AXL: variants seen among roughly 807,000 people sequenced by gnomAD.
AXL encodes AXL receptor tyrosine kinase.
Under a neutral mutation model 104.5 loss-of-function variants are expected in AXL, and 52 were observed. The ratio of observed to expected loss-of-function variants is 0.50; its 90% CI spans 0.40 to 0.63. The LOEUF is 0.63. Among genes scored for constraint, AXL ranks in the 20% least tolerant of loss-of-function variants. The pLI is 0.00. For missense variants in AXL, 1,024 were observed against 1,188.5 expected (o/e 0.86, Z 2.04); for synonymous variants, 455 against 473.7 (o/e 0.96, Z 0.51).
At chr19:41,219,599 A>G in intron 1 of AXL, 122 bp downstream of exon 1, 1 of 1,136,318 alleles carries the variant, frequency 8.8e-7, no homozygotes, top group Non-Finnish European at 1.3e-6. Context: ...CCTTGGGACC[A>G]CAGAAAAGGG....
At chr19:41,222,855 G>A (rs190511502) in intron 4 of AXL, among the ~76,000 whole-genome samples, 3,403 of 149,980 alleles carry the variant, frequency 0.023, 110 homozygotes, top group African/African-American at 0.071. Flanking sequence ...GCAGTGAGCC[G>A]AGATTGCGCC....
Position 41,259,730 on chromosome 19 carries a change from A to T in AXL, c.2511A>T (p.Ala837=). 1.2e-6 allele frequency: 2 copies of T among 1,614,072 alleles called. No individual in the cohort carries two copies. The highest frequency in any genetic ancestry group is 1.7e-6 in the Non-Finnish European group (2 of 1,179,994). ...GGGYPEPPGA[A]GGADPPTQPD... ...GTTATCCTGAACCCCCTGGAGCTGC[A>T]GGAGGAGCTGACCCCCCAACCCAGC... is the stretch of plus-strand genomic sequence containing the variant. The change falls in exon 20 of 20, where the codon GCA becomes GCT. Residue 837 remains alanine (A), a synonymous_variant. Coordinates refer to ENST00000301178, the MANE Select transcript of AXL (RefSeq NM_021913.5).
intron 7 of AXL, 150 bp downstream of exon 7, chr19:41,238,304 G>T: frequency 7.0e-7 from 1 of 1,427,892 alleles, no homozygotes; most frequent in Non-Finnish European, 9.7e-7. Flanking sequence ...AGCACTGCCC[G>T]CTGGCCTCTC....
chr19:41,238,450 C>A lies in AXL; in HGVS notation c.995-20C>A, dbSNP rs112180627. 2,069 of 1,600,000 alleles carry A rather than the reference C, an allele frequency of 1.3e-3. 22 individuals carry two copies. In the African/African-American group the frequency reaches 0.023, roughly 18 times the overall value. On this transcript the variant is annotated intron_variant, in intron 7 of 19. Transcript: ENST00000301178. Reference sequence around the variant, plus strand: ...AGGAAGAGGTGGGGGTGCCAGCTTCCCCTCTTCCCTGTCCTCCAGTGCCCC... The same window carrying A: ...AGGAAGAGGTGGGGGTGCCAGCTTCACCTCTTCCCTGTCCTCCAGTGCCCC...
chr19:41,258,524 C>T (rs1682153287), intron 19 of AXL, among the ~76,000 whole-genome samples: 2 of 152,250 alleles, frequency 1.3e-5, no homozygotes, highest in African/African-American at 4.8e-5. Flanking sequence ...TAGCGATTCT[C>T]TTGCCTCAGC....
chr19:41,221,398 T>G, intron 3 of AXL, 152 bp downstream of exon 3: 1 of 655,280 alleles, frequency 1.5e-6, no homozygotes, highest in East Asian at 3.0e-5. Flanking sequence ...GTCAGAGTTT[T>G]GGGTGGTCAA....
At chr19:41,249,887 A>G (rs1305926366) in intron 14 of AXL, among the ~76,000 whole-genome samples, 2 of 152,176 alleles carry the variant, frequency 1.3e-5, no homozygotes, top group Admixed American at 1.3e-4. Context: ...CCAGTCTCCC[A>G]TAAGGGCCTA....
chr19:41,225,544 T>G (rs1443219342), intron 4 of AXL, among the ~76,000 whole-genome samples: 1 of 152,226 alleles, frequency 6.6e-6, no homozygotes, highest in Non-Finnish European at 1.5e-5. Context: ...TAAGTTTCTG[T>G]GTGTGTTGGC....
At chr19:41,237,378 G>T (rs373886529) in intron 6 of AXL, among the ~76,000 whole-genome samples, 1 of 152,128 alleles carries the variant, frequency 6.6e-6, no homozygotes, top group Non-Finnish European at 1.5e-5. Flanking sequence ...GAGTAGCTGG[G>T]ATTACAGGCG....
At chr19:41,240,514 A>G (rs1423805339) in intron 10 of AXL, among the ~76,000 whole-genome samples, 1 of 151,926 alleles carries the variant, frequency 6.6e-6, no homozygotes, top group Non-Finnish European at 1.5e-5. Flanking sequence ...CCTCACATCC[A>G]TCCCTCTCAA....
Position 41,221,175 on chromosome 19 carries a change from G to A in AXL, c.338G>A (p.Gly113Glu). ...ACCTCCCTGCAGCTTTCCGACACGG[G>A]ACAGTACCAGTGTTTGGTGTTTCTG... Reference protein sequence around the residue: ...RITSLQLSDTGQYQCLVFLGH... With the variant: ...RITSLQLSDTEQYQCLVFLGH... Residue 113 changes from glycine to glutamate, a missense_variant, in exon 3 of 20, where the codon GGA (glycine) becomes GAA (glutamate). Transcript: ENST00000301178. The A allele has an allele frequency of 6.2e-7, 1 of 1,614,062 alleles. No individual in the cohort carries two copies. The highest frequency in any genetic ancestry group is 8.5e-7 in the Non-Finnish European group (1 of 1,180,004).
rs1444915408 is a variant in AXL at position 41,257,548 on chromosome 19, C to G, written c.2252C>G (p.Pro751Arg). 6.2e-7 allele frequency: 1 copy of G among 1,614,124 alleles called. No homozygotes were observed. Among genetic ancestry groups the G allele is most frequent in the South Asian group, 1.1e-5 (1 of 91,074 alleles). The part of the protein sequence containing the change: ...EIATRGQTPY[P>R]GVENSEIYDY... ...GCCACAAGAGGCCAAACCCCATATC[C>G]GGGCGTGGAGAACAGCGAGATTTAT... The change falls in exon 19 of 20, where the codon CCG becomes CGG. Residue 751 changes from proline (P) to arginine (R), a missense_variant. Physicochemically the swap from Pro to Arg is moderately radical, Grantham distance 103. Coordinates refer to ENST00000301178, the MANE Select transcript of AXL (RefSeq NM_021913.5).
At chr19:41,233,924 G>A (rs1232038203) in intron 6 of AXL, among the ~76,000 whole-genome samples, 1 of 152,050 alleles carries the variant, frequency 6.6e-6, no homozygotes, top group Non-Finnish European at 1.5e-5. Flanking sequence ...ATGGGCTAGG[G>A]CTGAAGAGTT....
At chr19:41,237,086 G>A (rs189587337) in intron 6 of AXL, among the ~76,000 whole-genome samples, 1 of 152,202 alleles carries the variant, frequency 6.6e-6, no homozygotes, top group East Asian at 1.9e-4. Flanking sequence ...TATTCACCAT[G>A]TAACCACCAT....
At chr19:41,251,021 G>A (rs1264371759) in intron 14 of AXL, among the ~76,000 whole-genome samples, 1 of 152,228 alleles carries the variant, frequency 6.6e-6, no homozygotes, top group Non-Finnish European at 1.5e-5. Flanking sequence ...AGCCTGGGCA[G>A]TTGTGAGCAG....
In AXL at chr19:41,259,648, T is replaced by G; in HGVS notation, c.2429T>G (p.Leu810Trp). 6.2e-7 allele frequency: 1 copy of G among 1,614,084 alleles called. No homozygotes were observed. Among genetic ancestry groups the G allele is most frequent in the South Asian group, 1.1e-5 (1 of 91,066 alleles). Reference sequence around the variant, plus strand: ...GATTTGGAGAACACACTGAAGGCCTTGCCTCCTGCCCAGGAGCCTGACGAA... The same window carrying G: ...GATTTGGAGAACACACTGAAGGCCTGGCCTCCTGCCCAGGAGCCTGACGAA... ...REDLENTLKA[L>W]PPAQEPDEIL... Residue 810 changes from leucine (L) to tryptophan (W), a missense_variant, in exon 20 of 20, where the codon TTG (leucine) becomes TGG (tryptophan). Physicochemically the swap from Leu to Trp is moderately conservative, Grantham distance 61. Transcript: ENST00000301178.
chr19:41,260,575 G>T lies in AXL; in HGVS notation c.*671G>T, dbSNP rs2034523972. 6.6e-6 allele frequency: 1 copy of T among 152,086 alleles called. No homozygotes were observed. 9.4% of individuals were successfully genotyped at this position (152,086 alleles called of 1,614,324 possible). A position where few individuals can be genotyped will look rare whatever the true frequency, so the allele number is the denominator to read the frequency against. On this transcript the variant is annotated 3_prime_UTR_variant, in exon 20 of 20. Coordinates refer to ENST00000301178, the MANE Select transcript of AXL (RefSeq NM_021913.5). ...GATCTGCCCACCTCAGCCTCCCAAA[G>T]TGCTGAGATTACAGGCATGAGCCAC...
intron 9 of AXL, 144 bp downstream of exon 9, chr19:41,239,458 C>T (rs1418578794): frequency 4.8e-6 from 6 of 1,251,842 alleles, no homozygotes; most frequent in Non-Finnish European, 6.7e-6. Context: ...ACTCCCTTAC[C>T]CATGCCAACC....
Position 41,259,839 on chromosome 19 carries a change from C to G in AXL, c.2620C>G (p.Pro874Ala). The change falls in exon 20 of 20, where the codon CCT becomes GCT. Residue 874 changes from proline to alanine, a missense_variant. Coordinates refer to ENST00000301178, the MANE Select transcript of AXL (RefSeq NM_021913.5). ...CTATGTCCTCTGCCCTTCCACAACC[C>G]CTAGCCCCGCTCAGCCTGCTGATAG... ...GRYVLCPSTT[P>A]SPAQPADRGS... The G allele has an allele frequency of 6.2e-7, 1 of 1,612,576 alleles. No individual in the cohort carries two copies. Among genetic ancestry groups the G allele is most frequent in the Non-Finnish European group, 8.5e-7 (1 of 1,179,144 alleles).
Sources: allele counts gnomAD v4.1 joint callset (sites outside exome capture counted in the v4.1 genomes callset), GRCh38; gene constraint gnomAD v4.1.1; transcripts MANE v1.5; gene names NCBI Gene and HGNC (gene_info 2026-07-23, HGNC 2026-07-21).